Variants in NEK5 observed in about 807,000 individuals in gnomAD.
NEK5 encodes NIMA related kinase 5, also known as serine/threonine-protein kinase Nek5.
In NEK5, 88 loss-of-function variants were observed where a neutral mutation model predicts 109.2. That is an observed-to-expected ratio of 0.81 (90% CI 0.68 to 0.96). The LOEUF is 0.96. NEK5 is among the 40% of genes least tolerant of loss of function. NEK5 has a pLI of 0.00. For missense variants in NEK5, 834 were observed against 920.7 expected (o/e 0.91, Z 1.22); for synonymous variants, 283 against 299.9 (o/e 0.94, Z 0.58).
chr13:52,098,611 CA>C (rs1192373818), intron 12 of NEK5, among the ~76,000 whole-genome samples: 2 of 152,102 alleles, frequency 1.3e-5, no homozygotes, highest in Non-Finnish European at 2.9e-5. Flanking sequence ...ATTATTATAT[CA>C]TAAAAACTTC....
chr13:52,093,202 C>G lies in NEK5; in HGVS notation c.1060G>C (p.Val354Leu), dbSNP rs778939881. The part of the protein sequence containing the change: ...KMIERPKIAA[V>L]CGHYDYYYAQ... ...TAATAATAATCATAATGTCCACAGA[C>G]AGCAGCAATTTTGGGTCTTTCTATC... Residue 354 changes from valine to leucine, a missense_variant, in exon 13 of 24, where the codon GTC (valine) becomes CTC (leucine). Val to Leu is a conservative substitution (Grantham distance 32, BLOSUM62 1). This residue lies in a region of NEK5 where 777 missense variants were observed against 824.7 expected (regional missense o/e 0.94). Coordinates refer to ENST00000684899, the MANE Select transcript of NEK5 (RefSeq NM_001365552.1). 1.2e-6 allele frequency: 2 copies of G among 1,613,464 alleles called. No homozygotes were observed. The highest frequency in any genetic ancestry group is 1.7e-4 in the Middle Eastern group (1 of 6,058).
intron 4 of NEK5, among the ~76,000 whole-genome samples, chr13:52,116,626 C>T (rs1470414880): frequency 6.6e-6 from 1 of 152,224 alleles, no homozygotes; most frequent in Non-Finnish European, 1.5e-5. Context: ...CTAAGCCAAC[C>T]TCAGGCTTCT....
chr13:52,049,747 G>A (rs1334680022), intron 23 of NEK5, among the ~76,000 whole-genome samples: 3 of 152,092 alleles, frequency 2.0e-5, no homozygotes, highest in African/African-American at 7.2e-5. Flanking sequence ...ATTCAAAGCT[G>A]TCCTGGGCTG....
intron 23 of NEK5, among the ~76,000 whole-genome samples, chr13:52,040,771 T>C (rs1954406377): frequency 6.6e-6 from 1 of 152,200 alleles, no homozygotes; most frequent in African/African-American, 2.4e-5. Context: ...TATATTTACT[T>C]CTAAAAATCC....
intron 13 of NEK5, among the ~76,000 whole-genome samples, chr13:52,089,753 C>T (rs1416495058): frequency 6.6e-6 from 1 of 151,868 alleles, no homozygotes; most frequent in Non-Finnish European, 1.5e-5. Flanking sequence ...TTTGGGAGGC[C>T]GAGGTGGGTG....
rs60691453 is a variant in NEK5 at position 52,128,555 on chromosome 13, T to C, written c.-91+474A>G. ...GGTGAGCAGGGGGCTTGTTTTCGAA[T>C]AATTTTACGTCAGGGTGGGAAGTCG... On this transcript the variant is annotated intron_variant, in intron 1 of 23. Transcript: ENST00000684899. Among the ~76,000 whole-genome samples, 719 of 152,286 alleles carry C rather than the reference T, an allele frequency of 4.7e-3. 5 individuals are homozygous for C. The highest frequency in any genetic ancestry group is 0.016 in the African/African-American group (648 of 41,552).
At chr13:52,071,743 C>T (rs1954787256) in intron 20 of NEK5, among the ~76,000 whole-genome samples, 1 of 152,100 alleles carries the variant, frequency 6.6e-6, no homozygotes, top group Admixed American at 6.6e-5. Context: ...GGGTATGGAG[C>T]AGGAGAGGAG....
chr13:52,070,508 C>G (rs1053993355), intron 20 of NEK5, among the ~76,000 whole-genome samples: 1 of 152,160 alleles, frequency 6.6e-6, no homozygotes, highest in African/African-American at 2.4e-5. Flanking sequence ...GTGAATGAGT[C>G]TCACGAGATA....
intron 19 of NEK5, among the ~76,000 whole-genome samples, chr13:52,073,562 G>A (rs1013724446): frequency 6.6e-6 from 1 of 151,946 alleles, no homozygotes; most frequent in Admixed American, 6.6e-5. Flanking sequence ...TGATCTGCCC[G>A]TCTCAGCCTC....
chr13:52,057,564 A>G (rs1954571007), intron 22 of NEK5, among the ~76,000 whole-genome samples: 2 of 152,118 alleles, frequency 1.3e-5, no homozygotes, highest in Non-Finnish European at 2.9e-5. Context: ...ATACTGGCAA[A>G]CCGAATCCAG....
At chr13:52,083,131 T>G in intron 17 of NEK5, 129 bp downstream of exon 17, 1 of 600,064 alleles carries the variant, frequency 1.7e-6, no homozygotes, top group East Asian at 2.8e-5. Flanking sequence ...GGCGACAGAG[T>G]GAGACTCCGT....
At chr13:52,078,127 T>C (rs766139297) in intron 17 of NEK5, among the ~76,000 whole-genome samples, 1 of 151,810 alleles carries the variant, frequency 6.6e-6, no homozygotes, top group Non-Finnish European at 1.5e-5. Flanking sequence ...TTATTTATAA[T>C]AGCCAAAAGC....
Position 52,033,774 on chromosome 13 carries a change from T to C in NEK5, c.*3174A>G, listed in dbSNP as rs1226907007. The C allele has an allele frequency of 6.6e-6, 1 of 152,308 alleles. No individual in the cohort carries two copies. The highest frequency in any genetic ancestry group is 2.4e-5 in the African/African-American group (1 of 41,468). The allele number at this position is 152,308 out of a possible 1,614,324, so 9.4% of individuals were successfully genotyped here. The stretch of plus-strand genomic sequence containing the variant: ...TCAATGCTTTCAGAATACTTGTGTT[T>C]ATGTAAATATACCCCAGAGTCCAAA... On this transcript the variant is annotated 3_prime_UTR_variant, in exon 24 of 24. Transcript: ENST00000684899.
At chr13:52,104,437 A>G in intron 9 of NEK5, 61 bp downstream of exon 9, 1 of 1,160,420 alleles carries the variant, frequency 8.6e-7, no homozygotes, top group Non-Finnish European at 1.3e-6. Flanking sequence ...TTCTCCCAGA[A>G]GTTAATTTCT....
intron 19 of NEK5, among the ~76,000 whole-genome samples, chr13:52,075,168 A>T (rs1447356981): frequency 1.3e-5 from 2 of 152,202 alleles, no homozygotes; most frequent in Non-Finnish European, 2.9e-5. Flanking sequence ...AGACACATAT[A>T]CTCACATGTT....
intron 3 of NEK5, among the ~76,000 whole-genome samples, chr13:52,121,437 G>C (rs763591839): frequency 4.6e-5 from 7 of 152,136 alleles, no homozygotes; most frequent in Non-Finnish European, 8.8e-5. Flanking sequence ...TGGGATTACA[G>C]GCATGAGGGA....
chr13:52,105,173 A>C (rs1955624520), intron 8 of NEK5, among the ~76,000 whole-genome samples: 1 of 152,096 alleles, frequency 6.6e-6, no homozygotes, highest in Admixed American at 6.6e-5. Flanking sequence ...GAGTCAAAGC[A>C]AGAAGGAATC....
At chr13:52,039,166 G>C (rs1954393235) in intron 23 of NEK5, among the ~76,000 whole-genome samples, 1 of 152,174 alleles carries the variant, frequency 6.6e-6, no homozygotes, top group African/African-American at 2.4e-5. Flanking sequence ...TGGATATAGA[G>C]AAGTTATGGA....
chr13:52,058,353 A>T (rs1187365720), intron 22 of NEK5, among the ~76,000 whole-genome samples: 1 of 147,596 alleles, frequency 6.8e-6, no homozygotes, highest in Non-Finnish European at 1.5e-5. Context: ...GGAAGAATCA[A>T]TATCGTGAAA....
Sources: allele counts gnomAD v4.1 joint callset (sites outside exome capture counted in the v4.1 genomes callset), GRCh38; gene constraint gnomAD v4.1.1; regional missense constraint gnomAD v4.1.1; transcripts MANE v1.5; gene names NCBI Gene and HGNC (gene_info 2026-07-23, HGNC 2026-07-21).